The following C3orf20 variants were observed in gnomAD, a reference collection of about 807,000 sequenced individuals.
C3orf20 encodes family with sequence similarity 149 member C, also known as uncharacterized protein C3orf20.
In C3orf20, 76 loss-of-function variants were observed where a neutral mutation model predicts 88.3. The ratio of observed to expected loss-of-function variants is 0.86; its 90% confidence interval spans 0.72 to 1.04. The LOEUF (loss-of-function observed/expected upper bound fraction) is 1.04. Ranked by LOEUF, C3orf20 falls within the 50% of genes least tolerant of loss-of-function variation. The pLI is 0.00. For synonymous variants in C3orf20, 436 were observed against 437.4 expected, an observed-to-expected ratio of 1.00 and a Z score of 0.04; for missense variants, 1,056 against 1,123.3, an observed-to-expected ratio of 0.94 and a Z score of 0.86.
intron 15 of C3orf20, among the ~76,000 whole-genome samples, chr3:14,764,101 A>G (rs747360412): frequency 2.6e-5 from 4 of 152,132 alleles, no homozygotes; most frequent in African/African-American, 7.2e-5. Flanking sequence ...CACTTACTAG[A>G]TGCACAAACA....
intron 5 of C3orf20, among the ~76,000 whole-genome samples, chr3:14,697,925 A>G (rs989053516): frequency 7.2e-5 from 11 of 152,140 alleles, no homozygotes; most frequent in African/African-American, 2.7e-4. Context: ...TCCATGATGT[A>G]TATGTGCCAC....
chr3:14,746,518 T>C (rs1310290577), intron 12 of C3orf20, among the ~76,000 whole-genome samples: 5 of 152,200 alleles, frequency 3.3e-5, no homozygotes, highest in Non-Finnish European at 7.4e-5. Flanking sequence ...ACATATATTA[T>C]CCATTTTCAC....
Position 14,761,485 on chromosome 3 carries a change from G to C in C3orf20, c.2365G>C (p.Gly789Arg), listed in dbSNP as rs766336867. ...VQGMILMFAG[G>R]KLIFGGRVLN... ...TTCCTGTCAACAGATGTTTGCCGGG[G>C]GGAAGCTCATTTTTGGGGGCCGTGT... Residue 789 changes from glycine to arginine, a missense_variant, in exon 15 of 17, where the codon GGG (glycine) becomes CGG (arginine). By Grantham distance (125) the Gly-to-Arg change is moderately radical (BLOSUM62 -2). Coordinates refer to ENST00000253697, the MANE Select transcript of C3orf20 (RefSeq NM_032137.5). 2 of 1,613,914 alleles carry C rather than the reference G, an allele frequency of 1.2e-6. No homozygotes were observed. The highest frequency in any genetic ancestry group is 1.7e-5 in the Admixed American group (1 of 60,000).
chr3:14,676,266 C>G (rs992454902), intron 1 of C3orf20, among the ~76,000 whole-genome samples: 4 of 152,068 alleles, frequency 2.6e-5, no homozygotes, highest in African/African-American at 9.7e-5. Context: ...GCCCAGGTCT[C>G]CCAGGTTGCA....
intron 7 of C3orf20, among the ~76,000 whole-genome samples, chr3:14,710,241 C>T (rs1284503885): frequency 6.6e-6 from 1 of 150,632 alleles, no homozygotes; most frequent in African/African-American, 2.4e-5. Flanking sequence ...GAATTTGAGT[C>T]TTTCTTTTTT....
chr3:14,741,189 G>A (rs572990559), intron 12 of C3orf20, among the ~76,000 whole-genome samples: 1 of 152,124 alleles, frequency 6.6e-6, no homozygotes, highest in Non-Finnish European at 1.5e-5. Context: ...CCTTTGTGAG[G>A]TCTTGTCTAT....
At chr3:14,761,708 GCA>G in intron 15 of C3orf20, 93 bp downstream of exon 15, 2 of 1,258,220 alleles carry the variant, frequency 1.6e-6, no homozygotes, top group South Asian at 1.2e-5. Flanking sequence ...ACTGAGGGGA[GCA>G]GGCGGGGCTG....
chr3:14,771,792 C>G (rs1027740506), intron 15 of C3orf20, among the ~76,000 whole-genome samples: 1 of 152,154 alleles, frequency 6.6e-6, no homozygotes, highest in Non-Finnish European at 1.5e-5. Context: ...ACTTACGGAG[C>G]CCTCCCGCCC....
intron 12 of C3orf20, among the ~76,000 whole-genome samples, chr3:14,752,682 T>C (rs933220587): frequency 6.6e-6 from 1 of 152,136 alleles, no homozygotes; most frequent in Non-Finnish European, 1.5e-5. Context: ...GCAAAGGATA[T>C]GAACAGACAC....
rs191761129 is a variant in C3orf20, at chr3:14,688,594, C to G, written c.626-1403C>G. 6.3e-4 allele frequency among the ~76,000 whole-genome samples: 95 copies of G among 151,836 alleles called. No homozygotes were observed. In the East Asian group the frequency reaches 0.011, roughly 17 times the overall value. On this transcript the variant is annotated intron_variant, in intron 4 of 16. Transcript: ENST00000253697. ...AAAAAAGCTGTATCCAGAATATCCC[C>G]TGTGCTAAGTAGTCTTCCCTCCTGT...
At chr3:14,690,679 A>C (rs1373770433) in intron 5 of C3orf20, among the ~76,000 whole-genome samples, 2 of 152,234 alleles carry the variant, frequency 1.3e-5, no homozygotes, top group African/African-American at 2.4e-5. Flanking sequence ...ATGTGACAAT[A>C]CCTGCTCAGG....
chr3:14,720,006 T>TTTATG (rs1553613368), intron 9 of C3orf20, among the ~76,000 whole-genome samples: 1 of 151,090 alleles, frequency 6.6e-6, no homozygotes, highest in Non-Finnish European at 1.5e-5. Flanking sequence ...TTTTTTTGTT[T>TTTATG]TTTTGTTTTG....
intron 12 of C3orf20, among the ~76,000 whole-genome samples, chr3:14,735,726 T>C (rs1191169580): frequency 6.6e-6 from 1 of 152,056 alleles, no homozygotes; most frequent in Non-Finnish European, 1.5e-5. Context: ...CCCAAGTAGC[T>C]GGGATTACAG....
Position 14,703,281 on chromosome 3 carries a change from G to C in C3orf20, c.878+19G>C. 1 of 1,613,694 alleles carries C rather than the reference G, an allele frequency of 6.2e-7. No homozygotes were observed. The highest frequency in any genetic ancestry group is 8.5e-7 in the Non-Finnish European group (1 of 1,179,942). On this transcript the variant is annotated intron_variant, in intron 6 of 16. Coordinates refer to ENST00000253697, the MANE Select transcript of C3orf20 (RefSeq NM_032137.5). ...GCCACATGTGAGCACCTCAGTGCTT[G>C]GGTCGGGGGAGTCAAGGGTTCTCAG...
At chr3:14,765,645 G>C (rs1401011587) in intron 15 of C3orf20, 1 of 152,654 alleles carries the variant, frequency 6.6e-6, no homozygotes, top group Non-Finnish European at 1.5e-5. Context: ...GTGGAGGTGA[G>C]GAGGTGGAGA....
At position 14,728,466 on chromosome 3, in the gene C3orf20, A is replaced by T. The variant is rs2034433718; in HGVS notation, c.1718A>T (p.Lys573Ile). ...AGLFTIEYPTKKEEEEFVRFK... is the reference protein window; with the variant it reads ...AGLFTIEYPTIKEEEEFVRFK... ...CTGTTTACCATTGAATATCCCACCA[A>T]AAAGGAGGAGGAAGAATTTGTTCGG... The change falls in exon 12 of 17, where the codon AAA becomes ATA. Residue 573 changes from lysine to isoleucine, a missense_variant. By Grantham distance (102) the Lys-to-Ile change is moderately radical. Transcript: ENST00000253697. 2 of 1,614,162 alleles carry T rather than the reference A, an allele frequency of 1.2e-6. No individual in the cohort carries two copies. Among genetic ancestry groups the T allele is most frequent in the East Asian group, 4.5e-5 (2 of 44,886 alleles).
chr3:14,711,700 A>G (rs537649141), intron 7 of C3orf20, among the ~76,000 whole-genome samples: 11 of 143,204 alleles, frequency 7.7e-5, no homozygotes, highest in Non-Finnish European at 1.0e-4. Flanking sequence ...CAGTGGTGCA[A>G]TCTTGGCTCG....
At chr3:14,710,059 A>G (rs548734296) in intron 7 of C3orf20, among the ~76,000 whole-genome samples, 8 of 152,066 alleles carry the variant, frequency 5.3e-5, no homozygotes, top group South Asian at 2.1e-4. Context: ...ATATACTTCT[A>G]TTTAGGTTTT....
At chr3:14,731,294 T>C (rs2034534091) in intron 12 of C3orf20, among the ~76,000 whole-genome samples, 1 of 152,230 alleles carries the variant, frequency 6.6e-6, no homozygotes, top group Non-Finnish European at 1.5e-5. Context: ...ACAGGATTCA[T>C]CCATATTGTT....
Sources: gnomAD v4.1 joint callset for allele counts (sites outside exome capture counted in the v4.1 genomes callset) on GRCh38, gnomAD v4.1.1 for gene constraint, MANE v1.5 for transcripts, NCBI Gene and HGNC (gene_info 2026-07-23, HGNC 2026-07-21) for gene names.